The following ADAMTS17 variants were observed in gnomAD, a reference collection of about 807,000 sequenced individuals.
ADAMTS17 encodes ADAM metallopeptidase with thrombospondin type 1 motif 17, also known as A disintegrin and metalloproteinase with thrombospondin motifs 17.
ADAMTS17 carries 113 observed loss-of-function variants against 141.5 expected under a neutral mutation model. That is an observed-to-expected ratio of 0.80 (90% CI 0.69 to 0.93). ADAMTS17 has a LOEUF of 0.93. ADAMTS17 is among the 40% of genes least tolerant of loss of function. The pLI, the probability that ADAMTS17 is intolerant of heterozygous loss-of-function variation, is 0.00. For synonymous variants in ADAMTS17, 768 were observed against 630.6 expected (o/e 1.22, Z -3.27); for missense variants, 1,659 against 1,517.9 (o/e 1.09, Z -1.54).
intron 3 of ADAMTS17, among the ~76,000 whole-genome samples, chr15:100,313,459 G>T (rs2045465589): frequency 6.6e-6 from 1 of 152,182 alleles, no homozygotes; most frequent in African/African-American, 2.4e-5. Context: ...GTGTTTGGAA[G>T]ATTTGATACC....
At chr15:100,131,327 CCTGCACATT>C (rs1462506953) in intron 12 of ADAMTS17, among the ~76,000 whole-genome samples, 2 of 149,020 alleles carry the variant, frequency 1.3e-5, no homozygotes, top group East Asian at 4.0e-4. Context: ...ATGGAACAAA[CCTGCACATT>C]CTGCACATGT....
At chr15:100,074,805 T>C (rs1027729870) in intron 15 of ADAMTS17, among the ~76,000 whole-genome samples, 3 of 152,136 alleles carry the variant, frequency 2.0e-5, no homozygotes, top group Admixed American at 2.0e-4. Flanking sequence ...ATTGGGAAAT[T>C]TTTTCAATCA....
intron 18 of ADAMTS17, among the ~76,000 whole-genome samples, chr15:100,026,935 G>A (rs2061525814): frequency 6.6e-6 from 1 of 152,222 alleles, no homozygotes; most frequent in African/African-American, 2.4e-5. Context: ...ATTGCCAATG[G>A]CTCCACGTCC....
chr15:100,294,595 C>T (rs746712), intron 3 of ADAMTS17, among the ~76,000 whole-genome samples: 10,076 of 151,630 alleles, frequency 0.066, 638 homozygotes, highest in East Asian at 0.24. Flanking sequence ...GTAGTCCCGG[C>T]GACTCAGGAG....
At chr15:100,007,154 G>T (rs893821663) in intron 18 of ADAMTS17, among the ~76,000 whole-genome samples, 9 of 152,192 alleles carry the variant, frequency 5.9e-5, no homozygotes, top group Non-Finnish European at 1.3e-4. Flanking sequence ...TGGAGCTTGG[G>T]TTGGGTCCTG....
intron 3 of ADAMTS17, chr15:100,306,051 G>T (rs1271132703): frequency 6.2e-6 from 1 of 161,154 alleles, no homozygotes; most frequent in African/African-American, 2.4e-5. Flanking sequence ...TCCAAAGCTG[G>T]GCTGAAGAGC....
At chr15:100,210,830 G>A (rs536873903) in intron 7 of ADAMTS17, among the ~76,000 whole-genome samples, 24 of 150,934 alleles carry the variant, frequency 1.6e-4, no homozygotes, top group African/African-American at 5.6e-4. Flanking sequence ...GGCCGGGCGC[G>A]GTGGCTCACG....
chr15:100,290,196 AGCATTTC>A lies in ADAMTS17; in HGVS notation c.617-8802_617-8796del, dbSNP rs1269754934. Among the ~76,000 whole-genome samples, 5 of 152,220 alleles carry A rather than the reference AGCATTTC, an allele frequency of 3.3e-5. No individual in the cohort carries two copies. The East Asian group carries it at 9.6e-4, about 29-fold the overall frequency. On this transcript the variant is annotated intron_variant, in intron 3 of 21. Coordinates refer to ENST00000268070, the MANE Select transcript of ADAMTS17 (RefSeq NM_139057.4). ...ATATAATCAATGCACAAAAATCAGT[AGCATTTC>A]TATATACCAATGACATCCAAGATGA...
At chr15:100,032,975 C>T (rs748463906) in intron 18 of ADAMTS17, among the ~76,000 whole-genome samples, 3 of 152,258 alleles carry the variant, frequency 2.0e-5, no homozygotes, top group East Asian at 1.9e-4. Flanking sequence ...CTGTACTTTA[C>T]GTCTTAGCAA....
chr15:100,166,226 G>A (rs550160361), intron 8 of ADAMTS17, among the ~76,000 whole-genome samples: 1 of 152,268 alleles, frequency 6.6e-6, no homozygotes, highest in African/African-American at 2.4e-5. Context: ...CTATTGTAAT[G>A]ATTGCTTGTA....
chr15:100,277,246 C>T (rs2044129836), intron 4 of ADAMTS17, among the ~76,000 whole-genome samples: 1 of 152,036 alleles, frequency 6.6e-6, no homozygotes, highest in African/African-American at 2.4e-5. Flanking sequence ...GCTCTTGAGC[C>T]ACCAGTGTCT....
chr15:100,158,061 G>C (rs1157774621), intron 8 of ADAMTS17, among the ~76,000 whole-genome samples: 1 of 152,026 alleles, frequency 6.6e-6, no homozygotes, highest in East Asian at 1.9e-4. Context: ...GCTAATTTTT[G>C]TATTTTTAGT....
intron 7 of ADAMTS17, among the ~76,000 whole-genome samples, chr15:100,212,133 T>C (rs533345170): frequency 1.3e-5 from 2 of 152,268 alleles, no homozygotes; most frequent in African/African-American, 4.8e-5. Context: ...AGGGATACTA[T>C]TATCATCCTC....
intron 17 of ADAMTS17, among the ~76,000 whole-genome samples, chr15:100,051,328 C>T (rs1158985034): frequency 6.6e-6 from 1 of 152,190 alleles, no homozygotes; most frequent in African/African-American, 2.4e-5. Flanking sequence ...CCCGCTTCAC[C>T]CATAGGTCAG....
At chr15:100,138,172 C>A (rs1261762132) in intron 10 of ADAMTS17, among the ~76,000 whole-genome samples, 1 of 152,066 alleles carries the variant, frequency 6.6e-6, no homozygotes, top group South Asian at 2.1e-4. Flanking sequence ...CTAGAAGCAG[C>A]CCCTTTTCAG....
At chr15:100,022,221 G>A (rs8023803) in intron 18 of ADAMTS17, among the ~76,000 whole-genome samples, 9,007 of 152,156 alleles carry the variant, frequency 0.059, 897 homozygotes, top group African/African-American at 0.21. Flanking sequence ...CTGGATGGAT[G>A]CAGGCCCCCA....
chr15:100,334,199 G>A (rs1031118647), intron 2 of ADAMTS17, among the ~76,000 whole-genome samples: 2 of 152,168 alleles, frequency 1.3e-5, no homozygotes, highest in African/African-American at 4.8e-5. Context: ...TGGAAAGTGT[G>A]AAAGACATAG....
intron 10 of ADAMTS17, among the ~76,000 whole-genome samples, chr15:100,137,790 TGCCAAC>T (rs1373191146): frequency 6.6e-6 from 1 of 152,172 alleles, no homozygotes; most frequent in African/African-American, 2.4e-5. Context: ...AGGCGTTGGT[TGCCAAC>T]ACCAACACCC....
chr15:100,140,418 G>T (rs1029833611), intron 10 of ADAMTS17, among the ~76,000 whole-genome samples: 5 of 150,248 alleles, frequency 3.3e-5, no homozygotes, highest in African/African-American at 1.2e-4. Context: ...TAAAAATGAC[G>T]GGACAACTCT....
Sources: allele counts gnomAD v4.1 joint callset (sites outside exome capture counted in the v4.1 genomes callset), GRCh38; gene constraint gnomAD v4.1.1; transcripts MANE v1.5; gene names NCBI Gene and HGNC (gene_info 2026-07-23, HGNC 2026-07-21).